EFCAB11: variants seen among roughly 807,000 people sequenced by gnomAD.
EFCAB11 encodes EF-hand calcium-binding domain-containing protein 11.
EFCAB11 carries 14 observed loss-of-function variants against 23.0 expected under a neutral mutation model. The ratio of observed to expected loss-of-function variants is 0.61; its 90% CI spans 0.40 to 0.95. The LOEUF is 0.95. Among genes scored for constraint, EFCAB11 ranks in the 40% least tolerant of loss-of-function variants. The pLI, the probability that EFCAB11 is intolerant of heterozygous loss-of-function variation, is 0.00. For synonymous variants in EFCAB11, 65 were observed against 66.6 expected (o/e 0.98, Z 0.11); for missense variants, 198 against 195.8 (o/e 1.01, Z -0.07).
In EFCAB11 at chr14:89,954,610, G is replaced by A. The variant is rs769264484; in HGVS notation, c.51C>T (p.Pro17=). The A allele has an allele frequency of 1.2e-6, 2 of 1,613,830 alleles. No individual in the cohort carries two copies. The highest frequency in any genetic ancestry group is 8.5e-7 in the Non-Finnish European group (1 of 1,179,994). The change falls in exon 1 of 6, where the codon CCC becomes CCT. Residue 17 remains proline, a synonymous_variant. Transcript: ENST00000316738. The part of the protein sequence containing the change: ...RARSRTWEAS[P]SEHRKWVEVF... ...CTTCCACCCACTTCCTGTGTTCCGA[G>A]GGACTGGCTTCCCACGTCCGCGACC...
At chr14:89,841,221 TTGGAGACATGGCTTCTC>T (rs1791814277) in intron 5 of EFCAB11, among the ~76,000 whole-genome samples, 2 of 152,222 alleles carry the variant, frequency 1.3e-5, no homozygotes, top group Non-Finnish European at 2.9e-5. Flanking sequence ...TGGTTTTTCG[TTGGAGACATGGCTTCTC>T]TCCATATTTT....
rs572440347 is a variant in EFCAB11, at chr14:89,885,485, T to C, written c.410+46056A>G. On this transcript the variant is annotated intron_variant, in intron 5 of 5. Transcript: ENST00000316738. ...CGAGATCAGGAGATCGAGACCATCC[T>C]GGCTAACATGGTGAAACCCCATCTC... Among the ~76,000 whole-genome samples, 9 of 152,240 alleles carry C rather than the reference T, an allele frequency of 5.9e-5. No individual in the cohort carries two copies. The East Asian group carries it at 1.7e-3, about 29-fold the overall frequency.
At chr14:89,950,225 A>C in intron 2 of EFCAB11, 83 bp from the exon 3 acceptor site, 1 of 1,403,472 alleles carries the variant, frequency 7.1e-7, no homozygotes, top group Admixed American at 2.5e-5. Flanking sequence ...GGTGGGAATA[A>C]GGATCTATTT....
intron 5 of EFCAB11, among the ~76,000 whole-genome samples, chr14:89,856,418 G>A (rs1375365667): frequency 1.3e-5 from 2 of 152,048 alleles, no homozygotes; most frequent in Admixed American, 1.3e-4. Context: ...TCGAACTCCT[G>A]AGCTCAAGCA....
intron 5 of EFCAB11, among the ~76,000 whole-genome samples, chr14:89,806,143 G>A (rs1210835037): frequency 6.6e-6 from 1 of 152,086 alleles, no homozygotes; most frequent in Non-Finnish European, 1.5e-5. Context: ...AAGGAAAAAT[G>A]GATGTAAAAT....
rs150891090 is a variant in EFCAB11 at position 89,815,339 on chromosome 14, G to A, written c.411-18015C>T. Among the ~76,000 whole-genome samples the A allele has an allele frequency of 7.2e-5, 11 of 152,302 alleles. No individual in the cohort carries two copies. The East Asian group carries it at 2.1e-3, about 29-fold the overall frequency. On this transcript the variant is annotated intron_variant, in intron 5 of 5. Coordinates refer to ENST00000316738, the MANE Select transcript of EFCAB11 (RefSeq NM_145231.4). ...CTTAGTTAGGATTTCCCCCCACGGA[G>A]GCTGGGTTGGGCTTAAGAAAAAAGT...
intron 5 of EFCAB11, among the ~76,000 whole-genome samples, chr14:89,859,960 C>T (rs1047980029): frequency 2.0e-5 from 3 of 152,182 alleles, no homozygotes; most frequent in African/African-American, 7.2e-5. Flanking sequence ...CTGAGGAACT[C>T]TAGATGTTGA....
chr14:89,822,315 T>C (rs1886549173), intron 5 of EFCAB11, among the ~76,000 whole-genome samples: 1 of 152,242 alleles, frequency 6.6e-6, no homozygotes, highest in African/African-American at 2.4e-5. Flanking sequence ...AAACTCAGAG[T>C]AACTTCAGCA....
intron 5 of EFCAB11, among the ~76,000 whole-genome samples, chr14:89,825,384 A>G (rs1003771070): frequency 5.3e-5 from 8 of 152,240 alleles, no homozygotes; most frequent in South Asian, 2.1e-4. Context: ...CCTACATTTG[A>G]AAAGACTAAA....
intron 5 of EFCAB11, among the ~76,000 whole-genome samples, chr14:89,858,559 G>A (rs1887823480): frequency 6.6e-6 from 1 of 151,982 alleles, no homozygotes; most frequent in Non-Finnish European, 1.5e-5. Flanking sequence ...GCGTGATCAT[G>A]GCTCACTGCA....
At chr14:89,873,693 T>C (rs1473782167) in intron 5 of EFCAB11, among the ~76,000 whole-genome samples, 2 of 152,194 alleles carry the variant, frequency 1.3e-5, no homozygotes, top group Non-Finnish European at 2.9e-5. Context: ...ATGCAACTCC[T>C]AAATCCAGTG....
At chr14:89,925,651 T>TC (rs201274005) in intron 5 of EFCAB11, among the ~76,000 whole-genome samples, 2 of 148,444 alleles carry the variant, frequency 1.3e-5, no homozygotes, top group African/African-American at 5.0e-5. Flanking sequence ...TTTCTTTCTT[T>TC]TTTTTTTTTT....
intron 5 of EFCAB11, among the ~76,000 whole-genome samples, chr14:89,921,374 G>T (rs1304785652): frequency 6.6e-6 from 1 of 152,158 alleles, no homozygotes; most frequent in East Asian, 1.9e-4. Context: ...ACATTATTTG[G>T]TAGGGAATAA....
chr14:89,943,247 G>GTT (rs35175946), intron 3 of EFCAB11, among the ~76,000 whole-genome samples: 7,384 of 140,042 alleles, frequency 0.053, 309 homozygotes, highest in African/African-American at 0.11. Context: ...TTTCAGACCT[G>GTT]TTTTTTTTTT....
In EFCAB11 at chr14:89,954,718, T is replaced by G; in HGVS notation, c.-58A>C. 17 of 1,576,348 alleles carry G rather than the reference T, an allele frequency of 1.1e-5. No homozygotes were observed. The highest frequency in any genetic ancestry group is 1.5e-5 in the Non-Finnish European group (17 of 1,164,288). ...ACCAGCTACCACCGCTTTCCCAGCC[T>G]GGCTGGCAGCCTACCGCGGCCACGC... On this transcript the variant is annotated 5_prime_UTR_variant, in exon 1 of 6. Transcript: ENST00000316738.
chr14:89,900,636 A>G (rs1889311532), intron 5 of EFCAB11, among the ~76,000 whole-genome samples: 2 of 152,172 alleles, frequency 1.3e-5, no homozygotes, highest in African/African-American at 4.8e-5. Context: ...CTGGAGATAG[A>G]TACTAAATGT....
intron 5 of EFCAB11, among the ~76,000 whole-genome samples, chr14:89,882,442 G>C (rs1338143336): frequency 6.6e-6 from 1 of 152,158 alleles, no homozygotes; most frequent in East Asian, 1.9e-4. Flanking sequence ...CCTACAAAAG[G>C]AAGCCAAGAG....
At chr14:89,949,600 A>G (rs987446531) in intron 3 of EFCAB11, among the ~76,000 whole-genome samples, 2 of 152,168 alleles carry the variant, frequency 1.3e-5, no homozygotes, top group African/African-American at 4.8e-5. Flanking sequence ...TCCTGACCTC[A>G]GACGATCCAC....
chr14:89,825,653 T>C (rs1886666812), intron 5 of EFCAB11, among the ~76,000 whole-genome samples: 2 of 152,150 alleles, frequency 1.3e-5, no homozygotes, highest in Non-Finnish European at 2.9e-5. Flanking sequence ...CCTAGAGTCA[T>C]TAAAAATATC....
Sources: allele counts gnomAD v4.1 joint callset (sites outside exome capture counted in the v4.1 genomes callset), GRCh38; gene constraint gnomAD v4.1.1; transcripts MANE v1.5; gene names NCBI Gene and HGNC (gene_info 2026-07-23, HGNC 2026-07-21).